HSPB7: variants seen among roughly 807,000 people sequenced by gnomAD.
The protein encoded by HSPB7 is heat shock protein family B (small) member 7, also known as heat shock protein beta-7.
A neutral mutation model predicts 11.0 loss-of-function variants in HSPB7; 9 were observed. The ratio of observed to expected loss-of-function variants is 0.82; its 90% CI spans 0.49 to 1.43. HSPB7 has a LOEUF of 1.43. Ranked by LOEUF, HSPB7 falls within the 40% of genes most tolerant of loss-of-function variation. HSPB7 has a pLI of 0.00. For synonymous variants in HSPB7, 102 were observed against 101.6 expected (o/e 1.00, Z -0.02); for missense variants, 246 against 243.9 (o/e 1.01, Z -0.06).
At chr1:16,018,045 C>T (rs745536425), upstream of HSPB7, 10 of 1,607,040 alleles carry the variant, frequency 6.2e-6, no homozygotes, top group Admixed American at 1.4e-4. Flanking sequence ...GGCGAGCGTG[C>T]CAGGCTCCGA....
At position 16,015,837 on chromosome 1, in the gene HSPB7, C is replaced by T. The variant is rs577211747; in HGVS notation, c.334-78G>A. On this transcript the variant is annotated intron_variant, in intron 2 of 2. Coordinates refer to ENST00000311890, the MANE Select transcript of HSPB7 (RefSeq NM_014424.5). This position sits in a 1 kb window ranked among gnomAD's most constrained non-coding sequence, Gnocchi z 4.9. ...TGACAAGCCAGAGCCCTCTTCTCCC[C>T]ATTCTAACCCCAGCCAGACCCCACA... 5 of 1,354,396 alleles carry T rather than the reference C, an allele frequency of 3.7e-6. No homozygotes were observed. The Admixed American group carries it at 6.5e-5, about 18-fold the overall frequency. 83.9% of individuals were successfully genotyped at this position (1,354,396 alleles called of 1,614,324 possible).
chr1:16,017,810 A>G lies in HSPB7; in HGVS notation c.154T>C (p.Phe52Leu). The change falls in exon 1 of 3, where the codon TTT becomes CTT. Residue 52 changes from phenylalanine to leucine, a missense_variant. By Grantham distance (22) the Phe-to-Leu change is conservative. Coordinates refer to ENST00000311890, the MANE Select transcript of HSPB7 (RefSeq NM_014424.5). ...GAGTGGGGCCGCATGAAGCTGCCAAAGTCATCGGAAAACATGCTCAGGGCC... is the reference window on the plus strand; with the variant it reads ...GAGTGGGGCCGCATGAAGCTGCCAAGGTCATCGGAAAACATGCTCAGGGCC... The part of the protein sequence containing the change: ...EKALSMFSDD[F>L]GSFMRPHSEP... 6.2e-7 allele frequency: 1 copy of G among 1,613,294 alleles called. No homozygotes were observed. Among genetic ancestry groups the G allele is most frequent in the Non-Finnish European group, 8.5e-7 (1 of 1,179,652 alleles).
Position 16,016,959 on chromosome 1 carries a change from G to C in HSPB7, c.333+115C>G, listed in dbSNP as rs573469611. 3.1e-5 allele frequency: 34 copies of C among 1,091,618 alleles called. No homozygotes were observed. In the African/African-American group the frequency reaches 4.8e-4, roughly 15 times the overall value. The allele number at this position is 1,091,618 out of a possible 1,614,324, so 67.6% of individuals were successfully genotyped here. On this transcript the variant is annotated intron_variant, in intron 2 of 2. Transcript: ENST00000311890. ...CTTCAGTTAGCCCTGGGGGAGTTTG[G>C]GTGGGGAAGGGACACTGGCCAGGGT... is the stretch of plus-strand genomic sequence containing the variant.
chr1:16,017,062 T>A lies in HSPB7; in HGVS notation c.333+12A>T. ...AATTTGGGATGCGGTGAGTAGGGGG[T>A]GGGGGGCTCACCTTCTCAGCCCGCA... On this transcript the variant is annotated intron_variant, in intron 2 of 2. Coordinates refer to ENST00000311890, the MANE Select transcript of HSPB7 (RefSeq NM_014424.5). 1 of 1,598,946 alleles carries A rather than the reference T, an allele frequency of 6.3e-7. No homozygotes were observed. The highest frequency in any genetic ancestry group is 1.3e-5 in the African/African-American group (1 of 74,426).
Position 16,017,206 on chromosome 1 carries a change from G to A in HSPB7, c.201C>T (p.Ala67=). 1 of 1,612,846 alleles carries A rather than the reference G, an allele frequency of 6.2e-7. No homozygotes were observed. The highest frequency in any genetic ancestry group is 1.3e-5 in the African/African-American group (1 of 75,010). ...RPHSEPLAFP[A]RPGGAGNIKT... ...TGATGTTGCCTGCCCCACCGGGGCG[G>A]GCTGTGGGATGGGCTGCTGTGAGCG... Residue 67 remains alanine, a splice_region_variant and synonymous_variant, in exon 2 of 3, where the codon GCC becomes GCT. Transcript: ENST00000311890.
chr1:16,016,752 C>T (rs1295791996), intron 2 of HSPB7, among the ~76,000 whole-genome samples: 1 of 152,104 alleles, frequency 6.6e-6, no homozygotes, highest in African/African-American at 2.4e-5. Flanking sequence ...CCATCTCACA[C>T]CTGTCATCTC....
rs201996831 is a variant in HSPB7, at chr1:16,015,625, A to G, written c.468T>C (p.His156=). 2.2e-5 allele frequency: 36 copies of G among 1,613,948 alleles called. 1 individual carries two copies. In the South Asian group the frequency reaches 3.8e-4, roughly 17 times the overall value. Residue 156 remains histidine, a synonymous_variant, in exon 3 of 3, where the codon CAT becomes CAC. Transcript: ENST00000311890. The surrounding 1 kb of genome is among the most constrained non-coding windows in gnomAD (Gnocchi z 4.9). ...GGAAGGTCTGCTGGACGTGTTCTGT[A>G]TGCGGGTGACGCCGTGCCCGGATAG... The part of the protein sequence containing the change: ...SLTIRARRHP[H]TEHVQQTFRT...
chr1:16,017,376 G>C, intron 1 of HSPB7, 169 bp from the exon 2 acceptor site: 1 of 846,644 alleles, frequency 1.2e-6, no homozygotes, highest in Non-Finnish European at 1.8e-6. Flanking sequence ...TTTCTGGGGT[G>C]GGGGTGGGGC....
chr1:16,018,097 C>A (rs1395111815), upstream of HSPB7: 1 of 1,561,840 alleles, frequency 6.4e-7, no homozygotes, highest in Non-Finnish European at 8.7e-7. Flanking sequence ...GGGCTTGGGG[C>A]CAGCCCCTTG....
upstream of HSPB7, chr1:16,018,810 A>G: frequency 8.4e-7 from 1 of 1,191,056 alleles, no homozygotes; most frequent in Non-Finnish European, 1.0e-6. Context: ...GAAGACAATT[A>G]TTCTAGCCCT....
chr1:16,018,180 T>A, upstream of HSPB7: 7 of 1,523,432 alleles, frequency 4.6e-6, no homozygotes, highest in Non-Finnish European at 6.2e-6. Context: ...CCGGCCCTGC[T>A]GACAGCCCGA....
intron 2 of HSPB7, 84 bp downstream of exon 2, chr1:16,016,990 G>T: frequency 7.1e-7 from 1 of 1,400,800 alleles, no homozygotes; most frequent in Non-Finnish European, 9.9e-7. Flanking sequence ...AGGGTCTGGG[G>T]TCCCAGGATG....
In HSPB7 at chr1:16,015,703, C is replaced by G; in HGVS notation, c.390G>C (p.Glu130Asp). The change falls in exon 3 of 3, where the codon GAG becomes GAC. Residue 130 changes from glutamate to aspartate, a missense_variant. Coordinates refer to ENST00000311890, the MANE Select transcript of HSPB7 (RefSeq NM_014424.5). The surrounding 1 kb of genome is among the most constrained non-coding windows in gnomAD (Gnocchi z 4.9). The stretch of plus-strand genomic sequence containing the variant: ...AGGTCACCGACGTCGGGTCCACGTC[C>G]TCCGGCAGCTGGCACTTGTGAGCGA... ...NTFAHKCQLP[E>D]DVDPTSVTSA... The G allele has an allele frequency of 6.2e-7, 1 of 1,611,898 alleles. No individual in the cohort carries two copies. The highest frequency in any genetic ancestry group is 8.5e-7 in the Non-Finnish European group (1 of 1,178,848).
In HSPB7 at chr1:16,015,259, GC is replaced by G. The variant is rs372362207; in HGVS notation, c.*320del. Reference sequence around the variant, plus strand: ...TCTGTCTGTCTGTCCTGCAGAGCTTGCCCATATGTCCTGCTGGTCCCATTCC... The same window carrying G: ...TCTGTCTGTCTGTCCTGCAGAGCTTGCCATATGTCCTGCTGGTCCCATTCC... On this transcript the variant is annotated 3_prime_UTR_variant, in exon 3 of 3. Transcript: ENST00000311890. The surrounding 1 kb of genome is among the most constrained non-coding windows in gnomAD (Gnocchi z 4.9). 1.5e-3 allele frequency: 479 copies of G among 318,112 alleles called. No individual in the cohort carries two copies. The highest frequency in any genetic ancestry group is 9.9e-3 in the African/African-American group (451 of 45,332). 19.7% of individuals were successfully genotyped at this position (318,112 alleles called of 1,614,324 possible). A position where few individuals can be genotyped will look rare whatever the true frequency, so the allele number is the denominator to read the frequency against.
At chr1:16,018,226 A>G (rs1419041169), upstream of HSPB7, 2 of 1,482,042 alleles carry the variant, frequency 1.3e-6, no homozygotes, top group Admixed American at 2.1e-5. Flanking sequence ...ACAGCCTGAC[A>G]TTCCAGGCTG....
chr1:16,018,763 T>G (rs369132822), upstream of HSPB7: 2 of 1,079,136 alleles, frequency 1.9e-6, no homozygotes, highest in African/African-American at 1.7e-5. Flanking sequence ...GCGAGCGCCT[T>G]AGGTGGGATT....
chr1:16,014,242 T>C lies in HSPB7; in HGVS notation c.*1338A>G, dbSNP rs1370421278. The C allele has an allele frequency of 1.3e-5, 2 of 152,326 alleles. No homozygotes were observed. Among genetic ancestry groups the C allele is most frequent in the African/African-American group, 4.8e-5 (2 of 41,434 alleles). 9.4% of individuals were successfully genotyped at this position (152,326 alleles called of 1,614,324 possible). On this transcript the variant is annotated 3_prime_UTR_variant, in exon 3 of 3. Transcript: ENST00000311890. ...CCTTCCCCTCCACCCTGCTTCTGTATGTGGGAGACGAAACCAAGAGTCATT... is the reference window on the plus strand; with the variant it reads ...CCTTCCCCTCCACCCTGCTTCTGTACGTGGGAGACGAAACCAAGAGTCATT...
intron 2 of HSPB7, among the ~76,000 whole-genome samples, chr1:16,016,142 GC>G (rs1557438683): frequency 6.6e-6 from 1 of 152,252 alleles, no homozygotes; most frequent in East Asian, 1.9e-4. Flanking sequence ...AGGGCTGAGC[GC>G]CGGCCCCTCC....
At chr1:16,019,476 G>C (rs1295179487), upstream of HSPB7, 5 of 1,539,096 alleles carry the variant, frequency 3.2e-6, no homozygotes, top group Non-Finnish European at 3.5e-6. Context: ...CCATTAGATT[G>C]AAGGTTCTTG....
Sources: allele counts gnomAD v4.1 joint callset (sites outside exome capture counted in the v4.1 genomes callset), GRCh38; gene constraint gnomAD v4.1.1; non-coding constraint Gnocchi (gnomAD v3.1); transcripts MANE v1.5; gene names NCBI Gene and HGNC (gene_info 2026-07-23, HGNC 2026-07-21).